Variants in EIF3A observed in about 807,000 individuals in gnomAD.
EIF3A encodes the protein eukaryotic translation initiation factor 3 subunit A.
EIF3A carries 21 observed loss-of-function variants against 186.6 expected under a neutral mutation model. The observed-to-expected ratio is 0.11, with a 90% CI of 0.08 to 0.16. The LOEUF is 0.16. EIF3A is among the 10% of genes least tolerant of loss of function. The probability of loss-of-function intolerance (pLI) is 1.00; values close to 1 mark genes in which losing one functional copy is unlikely to be tolerated. For missense variants in EIF3A, 1,306 were observed against 1,796.3 expected (o/e 0.73, Z 4.93); for synonymous variants, 563 against 584.3 (o/e 0.96, Z 0.52).
rs1369493637 is a variant in EIF3A at position 119,072,359 on chromosome 10, T to C, written c.541+531A>G. 3.3e-5 allele frequency among the ~76,000 whole-genome samples: 5 copies of C among 152,128 alleles called. No individual in the cohort carries two copies. In the East Asian group the frequency reaches 9.6e-4, roughly 29 times the overall value. On this transcript the variant is annotated intron_variant, in intron 4 of 21. Coordinates refer to ENST00000369144, the MANE Select transcript of EIF3A (RefSeq NM_003750.4). ...GTGTAAAAAGAAAAAAAAAGATCTT[T>C]CAGATATCAATAAAATACAATTCAC...
At position 119,034,611 on chromosome 10, in the gene EIF3A, G is replaced by T. The variant is rs181166570; in HGVS notation, c.*1428C>A. ...CATCAAACAAAAATAGCTGCATCTG[G>T]TTAAGTTAAAAAGCATCAATACTCC... On this transcript the variant is annotated 3_prime_UTR_variant, in exon 22 of 22. Coordinates refer to ENST00000369144, the MANE Select transcript of EIF3A (RefSeq NM_003750.4). 6.6e-6 allele frequency: 1 copy of T among 152,268 alleles called. No homozygotes were observed. Among genetic ancestry groups the T allele is most frequent in the East Asian group, 1.9e-4 (1 of 5,186 alleles). The allele number at this position is 152,268 out of a possible 1,614,324, so 9.4% of individuals were successfully genotyped here. A position where few individuals can be genotyped will look rare whatever the true frequency, so the allele number is the denominator to read the frequency against.
At chr10:119,060,031 C>T (rs1319375586) in intron 9 of EIF3A, 1 of 517,340 alleles carries the variant, frequency 1.9e-6, no homozygotes, top group South Asian at 1.5e-5. Context: ...AGGAGACTGG[C>T]AGCATTACTA....
intron 12 of EIF3A, 23 bp downstream of exon 12, chr10:119,057,933 T>G (rs1252269462): frequency 6.3e-7 from 1 of 1,578,906 alleles, no homozygotes; most frequent in Non-Finnish European, 8.6e-7. Context: ...AACTAATTTT[T>G]TAATAACTAA....
chr10:119,070,427 C>T (rs1844052982), intron 5 of EIF3A, among the ~76,000 whole-genome samples: 1 of 152,094 alleles, frequency 6.6e-6, no homozygotes, highest in Non-Finnish European at 1.5e-5. Flanking sequence ...TGACCTCTTA[C>T]CGAAGAATAT....
chr10:119,051,706 T>C (rs1395542179), intron 14 of EIF3A, among the ~76,000 whole-genome samples: 1 of 152,180 alleles, frequency 6.6e-6, no homozygotes, highest in African/African-American at 2.4e-5. Flanking sequence ...TATAGAAGTT[T>C]GCAGTCTATT....
At chr10:119,068,151 T>C (rs949252470) in intron 6 of EIF3A, among the ~76,000 whole-genome samples, 6 of 152,084 alleles carry the variant, frequency 3.9e-5, no homozygotes, top group African/African-American at 7.2e-5. Flanking sequence ...AAACAGGTTA[T>C]ACGTAACGTT....
At chr10:119,049,445 G>GATC (rs1418668092) in intron 17 of EIF3A, among the ~76,000 whole-genome samples, 6 of 137,302 alleles carry the variant, frequency 4.4e-5, no homozygotes, top group Non-Finnish European at 9.1e-5. Context: ...CCGAGACAGA[G>GATC]ATCACACCAC....
At chr10:119,062,275 C>T (rs1438382186) in intron 7 of EIF3A, among the ~76,000 whole-genome samples, 11 of 152,016 alleles carry the variant, frequency 7.2e-5, no homozygotes, top group Middle Eastern at 3.2e-3. Flanking sequence ...AGTCCCCTTC[C>T]GAATAGGGAA....
Position 119,042,038 on chromosome 10 carries a change from C to T in EIF3A, c.3482G>A (p.Gly1161Asp). The T allele has an allele frequency of 6.2e-7, 1 of 1,614,202 alleles. No individual in the cohort carries two copies. Among genetic ancestry groups the T allele is most frequent in the Non-Finnish European group, 8.5e-7 (1 of 1,180,036 alleles). Residue 1161 changes from glycine (G) to aspartate (D), a missense_variant, in exon 19 of 22, where the codon GGT (glycine) becomes GAT (aspartate). Around this residue, in one of 8 missense-constraint regions of EIF3A, gnomAD observed 331 missense variants for 365.8 expected, o/e 0.90. Coordinates refer to ENST00000369144, the MANE Select transcript of EIF3A (RefSeq NM_003750.4). This position sits in a 1 kb window ranked among gnomAD's most constrained non-coding sequence, Gnocchi z 7.8. Reference sequence around the variant, plus strand: ...CCAAGGACCAGGTCTTGAGTCATCACCCCGTCTGGGAAACCGATCATCATC... The same window carrying T: ...CCAAGGACCAGGTCTTGAGTCATCATCCCGTCTGGGAAACCGATCATCATC... ...RADDDRFPRR[G>D]DDSRPGPWRP... is the part of the protein sequence containing the mutation.
At chr10:119,054,532 T>A (rs371152991) in intron 14 of EIF3A, among the ~76,000 whole-genome samples, 7 of 141,366 alleles carry the variant, frequency 5.0e-5, no homozygotes, top group Admixed American at 4.3e-4. Flanking sequence ...CTGACCAACA[T>A]AGAGAAACCC....
intron 7 of EIF3A, among the ~76,000 whole-genome samples, chr10:119,063,504 T>C (rs189115429): frequency 1.1e-3 from 173 of 152,356 alleles, no homozygotes; most frequent in Non-Finnish European, 1.4e-3. Flanking sequence ...CCTGCCATTA[T>C]CTTTTTGATT....
intron 17 of EIF3A, among the ~76,000 whole-genome samples, chr10:119,044,738 C>T (rs1334188873): frequency 6.6e-6 from 1 of 152,044 alleles, no homozygotes; most frequent in Non-Finnish European, 1.5e-5. Context: ...GTCCCAGCTA[C>T]TTGGGAGGCT....
At chr10:119,080,287 C>G (rs1236289719) in intron 1 of EIF3A, 18 of 984,530 alleles carry the variant, frequency 1.8e-5, no homozygotes, top group South Asian at 4.7e-5. Flanking sequence ...ACCAAAGCCC[C>G]AGGGACCTGG....
At chr10:119,041,883 G>A in intron 19 of EIF3A, 111 bp downstream of exon 19, 4 of 1,193,544 alleles carry the variant, frequency 3.4e-6, no homozygotes, top group East Asian at 2.4e-5. Flanking sequence ...CTGAAGGAAA[G>A]ATGAAAGACC....
intron 12 of EIF3A, 70 bp downstream of exon 12, chr10:119,057,886 A>C: frequency 2.5e-6 from 3 of 1,221,472 alleles, no homozygotes; most frequent in Non-Finnish European, 3.5e-6. Context: ...CAAATGGTAA[A>C]GGACTGTGGT....
chr10:119,041,901 C>A, intron 19 of EIF3A, 93 bp downstream of exon 19: 1 of 1,348,844 alleles, frequency 7.4e-7, no homozygotes, highest in Non-Finnish European at 1.0e-6. Flanking sequence ...ACCAGTTTAT[C>A]TGGAAAATAA....
intron 1 of EIF3A, among the ~76,000 whole-genome samples, chr10:119,079,833 A>G (rs1405665461): frequency 6.6e-6 from 1 of 152,234 alleles, no homozygotes; most frequent in Admixed American, 6.5e-5. Context: ...TCTTGGCTCA[A>G]CAACTCCCGG....
At position 119,058,295 on chromosome 10, in the gene EIF3A, T is replaced by G; in HGVS notation, c.1638A>C (p.Lys546Asn). 6.4e-7 allele frequency: 1 copy of G among 1,567,734 alleles called. No homozygotes were observed. Among genetic ancestry groups the G allele is most frequent in the East Asian group, 2.3e-5 (1 of 43,944 alleles). ...TGACAGCCAACTGATGCTGTTCTTC[T>G]TTCTCTTGCTTCAAAAACAAATGAA... Reference protein sequence around the residue: ...VIKPAHILQEKEEQHQLAVTA... With the variant: ...VIKPAHILQENEEQHQLAVTA... Residue 546 changes from lysine (K) to asparagine (N), a missense_variant, in exon 12 of 22, where the codon AAA becomes AAC. Physicochemically the swap from Lys to Asn is moderately conservative, Grantham distance 94. Transcript: ENST00000369144.
chr10:119,072,314 TTTCA>T (rs1190577453), intron 4 of EIF3A, among the ~76,000 whole-genome samples: 6 of 151,858 alleles, frequency 4.0e-5, no homozygotes, highest in Non-Finnish European at 7.4e-5. Context: ...TTAAAATGTC[TTTCA>T]TTATTACTGA....
Sources: allele counts gnomAD v4.1 joint callset (sites outside exome capture counted in the v4.1 genomes callset), GRCh38; gene constraint gnomAD v4.1.1; regional missense constraint gnomAD v4.1.1; non-coding constraint Gnocchi (gnomAD v3.1); transcripts MANE v1.5; gene names NCBI Gene and HGNC (gene_info 2026-07-23, HGNC 2026-07-21).